Variants in DPYD observed in about 807,000 individuals in gnomAD.
DPYD encodes the protein dihydropyrimidine dehydrogenase [NADP(+)].
In DPYD, 109 loss-of-function variants were observed where a neutral mutation model predicts 116.2. The observed-to-expected ratio is 0.94, with a 90% confidence interval of 0.80 to 1.10. The LOEUF (loss-of-function observed/expected upper bound fraction) is 1.10, where lower values mean the gene tolerates loss of function less well. Among genes scored for constraint, DPYD ranks in the 50% least tolerant of loss-of-function variants. The probability of loss-of-function intolerance (pLI) is 0.00; values close to 1 mark genes in which losing one functional copy is unlikely to be tolerated. For synonymous variants in DPYD, 440 were observed against 432.0 expected, an observed-to-expected ratio of 1.02 and a Z score of -0.23; for missense variants, 1,302 against 1,254.5, an observed-to-expected ratio of 1.04 and a Z score of -0.57.
intron 5 of DPYD, among the ~76,000 whole-genome samples, chr1:97,717,418 G>A (rs2101016761): frequency 6.6e-6 from 1 of 152,018 alleles, no homozygotes; most frequent in Middle Eastern, 3.4e-3. Flanking sequence ...CTCTTTTTTG[G>A]CTTAAAACCA....
At chr1:97,348,736 C>A (rs562861671) in intron 16 of DPYD, among the ~76,000 whole-genome samples, 149 of 152,156 alleles carry the variant, frequency 9.8e-4, no homozygotes, top group Non-Finnish European at 1.6e-3. Context: ...AAAGACCTTG[C>A]CCTTAGAAAG....
intron 18 of DPYD, among the ~76,000 whole-genome samples, chr1:97,280,638 A>G (rs916881367): frequency 2.6e-5 from 4 of 152,224 alleles, no homozygotes; most frequent in African/African-American, 9.7e-5. Context: ...TAAGCCAGGC[A>G]GAGTAAGACA....
At chr1:97,542,346 G>A (rs528991752) in intron 12 of DPYD, among the ~76,000 whole-genome samples, 1 of 152,242 alleles carries the variant, frequency 6.6e-6, no homozygotes, top group African/African-American at 2.4e-5. Context: ...CCTCTGTATA[G>A]AAGCAGAACA....
intron 12 of DPYD, among the ~76,000 whole-genome samples, chr1:97,539,194 A>C (rs1650239525): frequency 6.6e-6 from 1 of 152,098 alleles, no homozygotes; most frequent in Non-Finnish European, 1.5e-5. Context: ...ATTCAACGGC[A>C]ATTATTCTGT....
intron 3 of DPYD, among the ~76,000 whole-genome samples, chr1:97,777,914 T>C (rs1666508426): frequency 6.6e-6 from 1 of 151,484 alleles, no homozygotes; most frequent in Non-Finnish European, 1.5e-5. Flanking sequence ...ATCAAGCACT[T>C]TGGGAGGCCT....
At chr1:97,670,561 C>T (rs991932767) in intron 8 of DPYD, among the ~76,000 whole-genome samples, 2 of 152,160 alleles carry the variant, frequency 1.3e-5, no homozygotes, top group Admixed American at 6.6e-5. Flanking sequence ...GCATTCTGAT[C>T]TCAGACTTCT....
chr1:97,195,689 T>C (rs1181315838), intron 19 of DPYD, among the ~76,000 whole-genome samples: 5 of 105,558 alleles, frequency 4.7e-5, no homozygotes, highest in African/African-American at 1.5e-4. Context: ...TATATATATA[T>C]GCCTAGGAGT....
chr1:97,106,260 T>C (rs552251638), intron 20 of DPYD, among the ~76,000 whole-genome samples: 51 of 152,238 alleles, frequency 3.4e-4, no homozygotes, highest in South Asian at 1.5e-3. Context: ...GGTTCTATGG[T>C]GTAACGGTTA....
At chr1:97,602,753 T>C (rs1557830689) in intron 8 of DPYD, among the ~76,000 whole-genome samples, 1 of 151,926 alleles carries the variant, frequency 6.6e-6, no homozygotes, top group Non-Finnish European at 1.5e-5. Flanking sequence ...CTATAGGACA[T>C]TATGACACAA....
rs1157625014 is a variant in DPYD at position 97,531,893 on chromosome 1, A to AT, written c.1525-15953dup. On this transcript the variant is annotated intron_variant, in intron 12 of 22. Coordinates refer to ENST00000370192, the MANE Select transcript of DPYD (RefSeq NM_000110.4). The stretch of plus-strand genomic sequence containing the variant: ...TTCTTTCTGGTCTTATTGTAAATGG[A>AT]TTTTTTTCTTAATTTTTTGGATAGT... Among the ~76,000 whole-genome samples the AT allele has an allele frequency of 1.5e-4, 23 of 152,004 alleles. No individual in the cohort carries two copies. In the South Asian group the frequency reaches 3.9e-3, roughly 26 times the overall value.
chr1:97,258,830 G>C (rs1663685973), intron 18 of DPYD, among the ~76,000 whole-genome samples: 1 of 152,144 alleles, frequency 6.6e-6, no homozygotes, highest in Non-Finnish European at 1.5e-5. Context: ...AAAGTGATTA[G>C]CAGATGGTCA....
chr1:97,852,552 C>G (rs1286596022), intron 2 of DPYD, among the ~76,000 whole-genome samples: 1 of 152,090 alleles, frequency 6.6e-6, no homozygotes, highest in East Asian at 1.9e-4. Context: ...CCAAATTGTA[C>G]AAGTGGAGTG....
intron 16 of DPYD, among the ~76,000 whole-genome samples, chr1:97,319,640 T>TTCTA (rs1278845237): frequency 8.3e-6 from 1 of 119,898 alleles, no homozygotes; most frequent in Non-Finnish European, 1.7e-5. Context: ...CACAGCCGAA[T>TTCTA]TCTACCAGAG....
intron 14 of DPYD, among the ~76,000 whole-genome samples, chr1:97,428,139 GT>G (rs762514952): frequency 1.3e-5 from 2 of 152,100 alleles, no homozygotes; most frequent in African/African-American, 2.4e-5. Flanking sequence ...TGTCAGAAGT[GT>G]AGTATCTCTA....
intron 7 of DPYD, among the ~76,000 whole-genome samples, chr1:97,684,554 G>T (rs564084902): frequency 3.9e-4 from 58 of 149,964 alleles, no homozygotes; most frequent in African/African-American, 1.3e-3. Flanking sequence ...TCCGGGAGCT[G>T]GTTTTTTGAA....
At chr1:97,706,723 T>C (rs570945182) in intron 5 of DPYD, among the ~76,000 whole-genome samples, 2 of 152,222 alleles carry the variant, frequency 1.3e-5, no homozygotes, top group African/African-American at 4.8e-5. Context: ...CTGAATAATA[T>C]TGCAATATCT....
At chr1:97,734,590 C>T (rs1011750943) in intron 4 of DPYD, among the ~76,000 whole-genome samples, 5 of 151,990 alleles carry the variant, frequency 3.3e-5, no homozygotes, top group Non-Finnish European at 5.9e-5. Context: ...AAATATCTAC[C>T]GCACTTTTCC....
intron 16 of DPYD, among the ~76,000 whole-genome samples, chr1:97,360,194 C>T (rs1396067744): frequency 6.6e-6 from 1 of 151,944 alleles, no homozygotes; most frequent in Admixed American, 6.6e-5. Flanking sequence ...CAACAAAGAT[C>T]AAAAGAGACC....
intron 2 of DPYD, among the ~76,000 whole-genome samples, chr1:97,847,997 C>T (rs922262215): frequency 1.3e-5 from 2 of 152,204 alleles, no homozygotes; most frequent in African/African-American, 2.4e-5. Context: ...CCACAAAGAA[C>T]ATACAATAAT....
Sources: gnomAD v4.1 joint callset for allele counts (sites outside exome capture counted in the v4.1 genomes callset) on GRCh38, gnomAD v4.1.1 for gene constraint, MANE v1.5 for transcripts, NCBI Gene and HGNC (gene_info 2026-07-23, HGNC 2026-07-21) for gene names.